Variants in RAPGEF4 observed in about 807,000 individuals in gnomAD.
RAPGEF4 encodes RAP guanine-nucleotide-exchange factor (GEF) 4.
A neutral mutation model predicts 147.9 loss-of-function variants in RAPGEF4; 66 were observed. That is an observed-to-expected ratio of 0.45 (90% confidence interval 0.37 to 0.55). The LOEUF (loss-of-function observed/expected upper bound fraction) is 0.55. Among genes scored for constraint, RAPGEF4 ranks in the 20% least tolerant of loss-of-function variants. RAPGEF4 has a pLI of 0.00. For synonymous variants in RAPGEF4, 419 were observed against 442.7 expected (o/e 0.95, Z 0.67); for missense variants, 1,071 against 1,257.3 (o/e 0.85, Z 2.24).
intron 10 of RAPGEF4, among the ~76,000 whole-genome samples, chr2:172,974,019 A>G (rs766983228): frequency 3.5e-4 from 54 of 152,248 alleles, no homozygotes; most frequent in Non-Finnish European, 1.5e-4. Flanking sequence ...CTACTTCACA[A>G]TAGATTGGAA....
chr2:172,841,942 AT>A (rs1267979359), intron 4 of RAPGEF4, among the ~76,000 whole-genome samples: 1 of 152,186 alleles, frequency 6.6e-6, no homozygotes, highest in Non-Finnish European at 1.5e-5. Context: ...TTGAAAAATT[AT>A]TTTTATTGTC....
intron 4 of RAPGEF4, chr2:172,821,862 G>A (rs1304960416): frequency 7.1e-6 from 11 of 1,560,042 alleles, no homozygotes; most frequent in East Asian, 7.0e-5. Flanking sequence ...TAGTAGACAC[G>A]AACAGGGAAT....
intron 4 of RAPGEF4, among the ~76,000 whole-genome samples, chr2:172,895,678 A>G (rs1425574925): frequency 6.6e-6 from 1 of 152,150 alleles, no homozygotes; most frequent in Non-Finnish European, 1.5e-5. Context: ...ATTTGTCCCA[A>G]AAGTATGTGT....
At chr2:172,905,440 C>T (rs776283868) in intron 4 of RAPGEF4, among the ~76,000 whole-genome samples, 2 of 152,188 alleles carry the variant, frequency 1.3e-5, no homozygotes, top group Non-Finnish European at 2.9e-5. Context: ...ATGACTGAGA[C>T]TTGGCTAAAC....
chr2:172,854,931 T>TATTAATGCAA (rs1468764336), intron 4 of RAPGEF4, among the ~76,000 whole-genome samples: 4 of 152,180 alleles, frequency 2.6e-5, no homozygotes, highest in African/African-American at 9.7e-5. Context: ...AAATTGCTTG[T>TATTAATGCAA]AAACAAGTTT....
chr2:173,047,860 T>C (rs548691467), intron 29 of RAPGEF4, among the ~76,000 whole-genome samples: 3 of 152,074 alleles, frequency 2.0e-5, no homozygotes, highest in African/African-American at 4.8e-5. Flanking sequence ...GTATTTTTAG[T>C]AGAGAGGGGG....
chr2:172,987,138 C>G (rs1315333184), intron 12 of RAPGEF4, among the ~76,000 whole-genome samples: 1 of 152,084 alleles, frequency 6.6e-6, no homozygotes, highest in Admixed American at 6.5e-5. Flanking sequence ...CATGGCGAAA[C>G]CCTGTCTGTA....
In RAPGEF4 at chr2:172,978,154, A is replaced by C. The variant is rs556007111; in HGVS notation, c.1005-5342A>C. ...TTGATGAATGAAAGACCAGGAGGTA[A>C]AGCAGGCTGCCCACGTGGGCTTCTG... is the stretch of plus-strand genomic sequence containing the variant. On this transcript the variant is annotated intron_variant, in intron 10 of 30. Transcript: ENST00000397081. Among the ~76,000 whole-genome samples the C allele has an allele frequency of 9.9e-5, 15 of 152,200 alleles. 1 individual carries two copies. The South Asian group carries it at 1.5e-3, about 15-fold the overall frequency.
At chr2:172,781,430 A>C (rs1435698090) in intron 1 of RAPGEF4, among the ~76,000 whole-genome samples, 1 of 151,972 alleles carries the variant, frequency 6.6e-6, no homozygotes. Context: ...GATCATTTGA[A>C]CCTAGGAGTT....
rs771409803 is a variant in RAPGEF4, at chr2:172,822,271, T to C, written c.444+7846T>C. On this transcript the variant is annotated intron_variant, in intron 4 of 30. Coordinates refer to ENST00000397081, the MANE Select transcript of RAPGEF4 (RefSeq NM_007023.4). ...ATAAATAAAAGTAGTTGTTCATAAC[T>C]AGGCAGAGTAACATTTATCACAGTG... Among the ~76,000 whole-genome samples, 101 of 152,348 alleles carry C rather than the reference T, an allele frequency of 6.6e-4. No homozygotes were observed. In the Middle Eastern group the frequency reaches 0.01, roughly 15 times the overall value.
chr2:172,877,620 T>C (rs17740794), intron 4 of RAPGEF4, among the ~76,000 whole-genome samples: 11,528 of 152,048 alleles, frequency 0.076, 513 homozygotes, highest in South Asian at 0.14. Flanking sequence ...CTTGCTTTTC[T>C]CACTTTGCTG....
In RAPGEF4 at chr2:172,795,105, C is replaced by A; in HGVS notation, c.146C>A (p.Pro49Gln). The A allele has an allele frequency of 6.2e-7, 1 of 1,612,954 alleles. No homozygotes were observed. Among genetic ancestry groups the A allele is most frequent in the South Asian group, 1.1e-5 (1 of 91,046 alleles). Residue 49 changes from proline to glutamine, a missense_variant, in exon 2 of 31, where the codon CCA (proline) becomes CAA (glutamine). By Grantham distance (76) the Pro-to-Gln change is moderately conservative. Coordinates refer to ENST00000397081, the MANE Select transcript of RAPGEF4 (RefSeq NM_007023.4). The stretch of plus-strand genomic sequence containing the variant: ...GTTAAAGCTTTTGAGAAATTTCACC[C>A]AAATCTCCTTCATCAGATTTGCTTA... Reference protein sequence around the residue: ...KEVKAFEKFHPNLLHQICLCG... With the variant: ...KEVKAFEKFHQNLLHQICLCG...
chr2:172,850,776 T>C (rs532436060), intron 4 of RAPGEF4, among the ~76,000 whole-genome samples: 23 of 152,344 alleles, frequency 1.5e-4, no homozygotes, highest in Admixed American at 1.4e-3. Context: ...AATGTAATTA[T>C]TATGTACGTA....
At chr2:172,766,619 C>T (rs751385164) in intron 1 of RAPGEF4, among the ~76,000 whole-genome samples, 5 of 152,166 alleles carry the variant, frequency 3.3e-5, no homozygotes, top group Non-Finnish European at 5.9e-5. Context: ...CGAGATAGCA[C>T]ACATACCCAT....
chr2:173,023,410 G>C (rs1157155491), intron 23 of RAPGEF4, among the ~76,000 whole-genome samples: 1 of 152,208 alleles, frequency 6.6e-6, no homozygotes, highest in African/African-American at 2.4e-5. Flanking sequence ...TGCCTTATCT[G>C]TAGGACATTT....
rs114382348 is a variant in RAPGEF4 at position 172,885,318 on chromosome 2, C to T, written c.445-32484C>T. On this transcript the variant is annotated intron_variant, in intron 4 of 30. Coordinates refer to ENST00000397081, the MANE Select transcript of RAPGEF4 (RefSeq NM_007023.4). Reference sequence around the variant, plus strand: ...TCCTCCTCCCTGCCTCACTTTCCTCCTCCCTTATCTATGCCTCCTGAGATT... The same window carrying T: ...TCCTCCTCCCTGCCTCACTTTCCTCTTCCCTTATCTATGCCTCCTGAGATT... 5.9e-3 allele frequency among the ~76,000 whole-genome samples: 895 copies of T among 152,344 alleles called. 3 individuals carry two copies. The highest frequency in any genetic ancestry group is 0.01 in the Middle Eastern group (3 of 294).
chr2:172,788,502 AG>A (rs773508258), intron 1 of RAPGEF4, among the ~76,000 whole-genome samples: 2 of 152,226 alleles, frequency 1.3e-5, no homozygotes, highest in Non-Finnish European at 2.9e-5. Flanking sequence ...TGCTTAAAAA[AG>A]CATACATGTA....
intron 29 of RAPGEF4, among the ~76,000 whole-genome samples, chr2:173,043,545 C>A (rs781115876): frequency 6.6e-6 from 1 of 152,178 alleles, no homozygotes; most frequent in Non-Finnish European, 1.5e-5. Flanking sequence ...TCTTCTCTTC[C>A]GCAGTGGGAG....
intron 26 of RAPGEF4, among the ~76,000 whole-genome samples, chr2:173,033,338 A>C (rs544979507): frequency 6.6e-6 from 1 of 152,192 alleles, no homozygotes; most frequent in Non-Finnish European, 1.5e-5. Flanking sequence ...TGTGAGACTT[A>C]ATTTTTTCCA....
Sources: allele counts gnomAD v4.1 joint callset (sites outside exome capture counted in the v4.1 genomes callset), GRCh38; gene constraint gnomAD v4.1.1; transcripts MANE v1.5; gene names NCBI Gene and HGNC (gene_info 2026-07-23, HGNC 2026-07-21).